LURAP1L: variants seen among roughly 807,000 people sequenced by gnomAD.
LURAP1L encodes leucine rich adaptor protein 1 like, also known as leucine rich adaptor protein 1-like.
A neutral mutation model predicts 13.8 loss-of-function variants in LURAP1L; 12 were observed. The observed-to-expected ratio is 0.87, with a 90% CI of 0.56 to 1.41. LURAP1L has a LOEUF of 1.41. Ranked by LOEUF, LURAP1L falls within the 40% of genes most tolerant of loss-of-function variation. The probability of loss-of-function intolerance (pLI) is 0.00; values close to 1 mark genes in which losing one functional copy is unlikely to be tolerated. For synonymous variants in LURAP1L, 139 were observed against 119.2 expected (o/e 1.17, Z -1.08); for missense variants, 375 against 292.9 (o/e 1.28, Z -2.04).
At chr9:12,806,227 T>C (rs1819654446) in intron 1 of LURAP1L, among the ~76,000 whole-genome samples, 1 of 152,180 alleles carries the variant, frequency 6.6e-6, no homozygotes, top group South Asian at 2.1e-4. Context: ...ACCAGCAAGA[T>C]GGTACAGCTG....
intron 1 of LURAP1L, among the ~76,000 whole-genome samples, chr9:12,786,544 TGACATATATATATATATA>T (rs1819353658): frequency 5.2e-5 from 1 of 19,282 alleles, no homozygotes; most frequent in South Asian, 2.2e-3. Flanking sequence ...TGTATATATA[TGACATATATATATATATA>T]TATATATATA....
rs201727568 is a variant in LURAP1L at position 12,780,108 on chromosome 9, T to TA, written c.312+4081_312+4082insA. On this transcript the variant is annotated intron_variant, in intron 1 of 1. Transcript: ENST00000319264. Reference sequence around the variant, plus strand: ...AGCTTTTCATTGGTAGCATTTTAGTTCCCCAAGAGATTCTGTTCAGGATAA... The same window carrying TA: ...AGCTTTTCATTGGTAGCATTTTAGTTACCCCAAGAGATTCTGTTCAGGATAA... Among the ~76,000 whole-genome samples the TA allele has an allele frequency of 3.8e-3, 574 of 152,284 alleles. 4 individuals carry two copies. The highest frequency in any genetic ancestry group is 0.013 in the African/African-American group (557 of 41,558).
chr9:12,776,475 G>T (rs1199012577), intron 1 of LURAP1L, among the ~76,000 whole-genome samples: 1 of 152,078 alleles, frequency 6.6e-6, no homozygotes, highest in Non-Finnish European at 1.5e-5. Context: ...TTTGCCGGGA[G>T]GTGGCGTGGC....
At chr9:12,807,703 G>T (rs1303408689) in intron 1 of LURAP1L, among the ~76,000 whole-genome samples, 1 of 152,092 alleles carries the variant, frequency 6.6e-6, no homozygotes, top group African/African-American at 2.4e-5. Context: ...GATTAATAGC[G>T]ATCATATTTG....
At chr9:12,816,242 A>G (rs570105170) in intron 1 of LURAP1L, among the ~76,000 whole-genome samples, 36 of 152,198 alleles carry the variant, frequency 2.4e-4, no homozygotes, top group Non-Finnish European at 3.7e-4. Flanking sequence ...TGAAAAGCAG[A>G]TATGTTAGGT....
intron 1 of LURAP1L, 55 bp from the exon 2 acceptor site, chr9:12,821,331 G>T: frequency 6.5e-7 from 1 of 1,546,802 alleles, no homozygotes. Flanking sequence ...ATGAATTTGA[G>T]GCCTTTCGAG....
chr9:12,790,770 G>C (rs962355495), intron 1 of LURAP1L: 1 of 148,116 alleles, frequency 6.8e-6, no homozygotes, highest in Non-Finnish European at 1.5e-5. Flanking sequence ...TCATCCCTAA[G>C]TGCACAAAGA....
chr9:12,783,618 G>T (rs926743492), intron 1 of LURAP1L, among the ~76,000 whole-genome samples: 2 of 151,820 alleles, frequency 1.3e-5, no homozygotes, highest in Admixed American at 1.3e-4. Context: ...ATTTTGTTTT[G>T]GATTTTTGCA....
chr9:12,820,481 C>T (rs1233745755), intron 1 of LURAP1L, among the ~76,000 whole-genome samples: 5 of 120,712 alleles, frequency 4.1e-5, no homozygotes, highest in East Asian at 4.8e-4. Flanking sequence ...CCAGCCTGGA[C>T]GACAGATCGA....
chr9:12,815,641 G>C (rs1016307587), intron 1 of LURAP1L, among the ~76,000 whole-genome samples: 4 of 152,092 alleles, frequency 2.6e-5, no homozygotes, highest in Non-Finnish European at 5.9e-5. Flanking sequence ...CTAGGAGGTG[G>C]CCTGCTTTTA....
intron 1 of LURAP1L, among the ~76,000 whole-genome samples, chr9:12,788,911 A>ATT (rs1554657545): frequency 4.0e-5 from 6 of 150,224 alleles, no homozygotes; most frequent in African/African-American, 1.2e-4. Flanking sequence ...ATATATATAT[A>ATT]TTTTTAATAA....
chr9:12,788,187 G>GA lies in LURAP1L; in HGVS notation c.312+12163dup, dbSNP rs141752248. Among the ~76,000 whole-genome samples, 21 of 136,700 alleles carry GA rather than the reference G, an allele frequency of 1.5e-4. 1 individual carries two copies. In the South Asian group the frequency reaches 2.4e-3, roughly 16 times the overall value. 89.7% of individuals were successfully genotyped at this position (136,700 alleles called of 152,430 possible). A position where few individuals can be genotyped will look rare whatever the true frequency, so the allele number is the denominator to read the frequency against. ...AGAAAGAAAGAAAGAAAGAAAGAAA[G>GA]AAAGAAAAGAAAAGAAAAGAAAAGC... On this transcript the variant is annotated intron_variant, in intron 1 of 1. Transcript: ENST00000319264.
At chr9:12,788,148 G>GAAGAAAGAAACA (rs1819385129) in intron 1 of LURAP1L, among the ~76,000 whole-genome samples, 1 of 117,330 alleles carries the variant, frequency 8.5e-6, no homozygotes, top group Non-Finnish European at 1.7e-5. Flanking sequence ...GAAAGAGAAA[G>GAAGAAAGAAACA]AAGAAAGAAA....
At chr9:12,787,977 T>C (rs1234705403) in intron 1 of LURAP1L, among the ~76,000 whole-genome samples, 3 of 151,784 alleles carry the variant, frequency 2.0e-5, no homozygotes, top group Non-Finnish European at 4.4e-5. Context: ...CCGGGTGTGG[T>C]GGTAGGTGCC....
intron 1 of LURAP1L, among the ~76,000 whole-genome samples, chr9:12,783,512 T>C (rs1183487859): frequency 6.6e-6 from 1 of 152,230 alleles, no homozygotes; most frequent in Non-Finnish European, 1.5e-5. Flanking sequence ...ATTGGTGGAT[T>C]TGCATATGTT....
chr9:12,794,936 G>C (rs1231885764), intron 1 of LURAP1L, among the ~76,000 whole-genome samples: 1 of 151,896 alleles, frequency 6.6e-6, no homozygotes, highest in Non-Finnish European at 1.5e-5. Flanking sequence ...TCATCAGGTA[G>C]GTAAAGTATG....
At chr9:12,778,291 G>C (rs1454815952) in intron 1 of LURAP1L, among the ~76,000 whole-genome samples, 1 of 152,040 alleles carries the variant, frequency 6.6e-6, no homozygotes, top group African/African-American at 2.4e-5. Context: ...GGCTTGTCCC[G>C]CTCTCTGTGG....
intron 1 of LURAP1L, among the ~76,000 whole-genome samples, chr9:12,788,188 A>AAAGAAAGAAAGAAAGAAAGAAAGG (rs1563889123): frequency 7.6e-6 from 1 of 131,330 alleles, no homozygotes; most frequent in African/African-American, 3.1e-5. Context: ...AGAAAGAAAG[A>AAAGAAAGAAAGAAAGAAAGAAAGG]AAGAAAAGAA....
chr9:12,792,485 A>G (rs1005411641), intron 1 of LURAP1L, among the ~76,000 whole-genome samples: 4 of 152,142 alleles, frequency 2.6e-5, no homozygotes, highest in Non-Finnish European at 4.4e-5. Context: ...TAATGAATGT[A>G]ACATTTGCAG....
Sources: gnomAD v4.1 joint callset for allele counts (sites outside exome capture counted in the v4.1 genomes callset) on GRCh38, gnomAD v4.1.1 for gene constraint, MANE v1.5 for transcripts, NCBI Gene and HGNC (gene_info 2026-07-23, HGNC 2026-07-21) for gene names.